GLRA2: variants seen among roughly 807,000 people sequenced by gnomAD.
GLRA2 encodes the protein glycine receptor alpha 2.
A neutral mutation model predicts 31.6 loss-of-function variants in GLRA2; 11 were observed. The ratio of observed to expected loss-of-function variants is 0.35; its 90% CI spans 0.22 to 0.58. GLRA2 has a LOEUF of 0.58. Ranked by LOEUF, GLRA2 falls within the 20% of genes least tolerant of loss-of-function variation. The pLI, the probability that GLRA2 is intolerant of heterozygous loss-of-function variation, is 0.84. For synonymous variants in GLRA2, 132 were observed against 134.0 expected (o/e 0.99, Z 0.10); for missense variants, 212 against 351.8 (o/e 0.60, Z 3.18).
At chrX:14,582,120 A>G (rs1601733506) in intron 4 of GLRA2, among the ~76,000 whole-genome samples, 1 of 104,498 alleles carries the variant, frequency 9.6e-6, no homozygotes, top group Admixed American at 1.0e-4. Flanking sequence ...CACAACGTGC[A>G]GGTTAGTTAC....
intron 4 of GLRA2, among the ~76,000 whole-genome samples, chrX:14,603,775 T>A (rs764503830): frequency 2.7e-5 from 3 of 111,961 alleles, no homozygotes; most frequent in Non-Finnish European, 5.7e-5. Flanking sequence ...AATTCTAGAA[T>A]AAATGCTACA....
At chrX:14,465,084 T>G in the GLRA2 span, among the ~76,000 whole-genome samples, 2 of 109,724 alleles carry the variant, frequency 1.8e-5, no homozygotes, top group African/African-American at 6.7e-5. Context: ...ATGTGTAGAT[T>G]GCTTTGGGCA....
At chrX:14,664,212 G>T (rs2091018037) in intron 7 of GLRA2, among the ~76,000 whole-genome samples, 1 of 111,814 alleles carries the variant, frequency 8.9e-6, no homozygotes, top group African/African-American at 3.2e-5. Context: ...TGTAGACACT[G>T]TGCAATTTCA....
At chrX:14,686,653 T>G (rs2091146441) in intron 7 of GLRA2, among the ~76,000 whole-genome samples, 2 of 111,617 alleles carry the variant, frequency 1.8e-5, no homozygotes, top group African/African-American at 6.5e-5. Context: ...CTTTTTTTTG[T>G]TTTCCATTTG....
chrX:14,622,394 T>G (rs1408456604), intron 7 of GLRA2, among the ~76,000 whole-genome samples: 1 of 112,061 alleles, frequency 8.9e-6, no homozygotes, highest in Non-Finnish European at 1.9e-5. Context: ...ATTTTGGCTT[T>G]TGTTGCCATT....
the GLRA2 span, among the ~76,000 whole-genome samples, chrX:14,484,989 G>A: frequency 8.9e-6 from 1 of 112,339 alleles, no homozygotes; most frequent in Non-Finnish European, 1.9e-5. Flanking sequence ...TTAAGCTCAT[G>A]CTAAAATAGC....
At chrX:14,557,147 G>T (rs1335437119) in intron 2 of GLRA2, among the ~76,000 whole-genome samples, 3 of 73,849 alleles carry the variant, frequency 4.1e-5, no homozygotes, top group Non-Finnish European at 6.9e-5. Context: ...ACGGAGTCTC[G>T]CTCTGTCGCC....
At chrX:14,650,580 C>T (rs1293633788) in intron 7 of GLRA2, among the ~76,000 whole-genome samples, 3 of 111,016 alleles carry the variant, frequency 2.7e-5, no homozygotes, top group African/African-American at 9.8e-5. Context: ...GCTTTCTACC[C>T]ATTGAGAAAT....
intron 7 of GLRA2, among the ~76,000 whole-genome samples, chrX:14,637,651 G>T (rs1325504076): frequency 9.0e-6 from 1 of 111,540 alleles, no homozygotes; most frequent in Non-Finnish European, 1.9e-5. Flanking sequence ...TATTCATACT[G>T]TTTTCCAAAG....
At chrX:14,666,748 C>G (rs902490102) in intron 7 of GLRA2, among the ~76,000 whole-genome samples, 1 of 111,741 alleles carries the variant, frequency 8.9e-6, no homozygotes, top group African/African-American at 3.2e-5. Flanking sequence ...TACAGCAAAC[C>G]TATTAGGTGG....
intron 2 of GLRA2, among the ~76,000 whole-genome samples, chrX:14,538,076 CT>C (rs1331848978): frequency 9.1e-6 from 1 of 109,360 alleles, no homozygotes; most frequent in African/African-American, 3.3e-5. Flanking sequence ...AAGAGGGCAT[CT>C]ACAGCATTCT....
the GLRA2 span, among the ~76,000 whole-genome samples, chrX:14,463,796 A>T: frequency 3.2e-4 from 36 of 111,474 alleles, no homozygotes; most frequent in African/African-American, 1.1e-3. Flanking sequence ...CTTGACTATG[A>T]GAGGGAAATC....
chrX:14,535,461 G>C (rs760931620), intron 2 of GLRA2, among the ~76,000 whole-genome samples: 28 of 111,994 alleles, frequency 2.5e-4, no homozygotes, highest in African/African-American at 7.4e-4. Context: ...CTTAGACTCT[G>C]TAATTGAGAG....
the GLRA2 span, among the ~76,000 whole-genome samples, chrX:14,488,343 A>T: frequency 8.9e-6 from 1 of 112,215 alleles, no homozygotes; most frequent in African/African-American, 3.2e-5. Context: ...CACCCAAGAG[A>T]TACTAGGTGG....
At chrX:14,613,797 A>T (rs2090427102) in intron 7 of GLRA2, among the ~76,000 whole-genome samples, 1 of 110,881 alleles carries the variant, frequency 9.0e-6, no homozygotes. Flanking sequence ...GATATGAGTC[A>T]ATTTTTCCCC....
intron 7 of GLRA2, among the ~76,000 whole-genome samples, chrX:14,610,231 T>C (rs1396037412): frequency 8.9e-6 from 1 of 112,269 alleles, no homozygotes; most frequent in Non-Finnish European, 1.9e-5. Context: ...TGTGCTGAAT[T>C]TGACATAATG....
chrX:14,583,682 T>A lies in GLRA2; in HGVS notation c.494+2276T>A, dbSNP rs1398517931. Among the ~76,000 whole-genome samples the A allele has an allele frequency of 3.6e-5, 4 of 111,906 alleles. No homozygotes were observed. In the Admixed American group the frequency reaches 3.8e-4, roughly 11 times the overall value. ...TGAACCTGGGAGGCGGAGGTTGCAGTGAGCCGAGATAGTGCCACTGCACTC... is the reference window on the plus strand; with the variant it reads ...TGAACCTGGGAGGCGGAGGTTGCAGAGAGCCGAGATAGTGCCACTGCACTC... On this transcript the variant is annotated intron_variant, in intron 4 of 8. Transcript: ENST00000218075.
intron 7 of GLRA2, among the ~76,000 whole-genome samples, chrX:14,657,859 G>A (rs1339872461): frequency 1.8e-5 from 2 of 111,641 alleles, no homozygotes; most frequent in Non-Finnish European, 3.8e-5. Flanking sequence ...TTTGACTCTG[G>A]CAATGCACAT....
chrX:14,632,920 A>C (rs942726494), intron 7 of GLRA2, among the ~76,000 whole-genome samples: 2 of 111,973 alleles, frequency 1.8e-5, no homozygotes, highest in African/African-American at 6.5e-5. Flanking sequence ...CTAGTACAAG[A>C]GTCAGCAAAC....
Sources: allele counts gnomAD v4.1 joint callset (sites outside exome capture counted in the v4.1 genomes callset), GRCh38; gene constraint gnomAD v4.1.1; transcripts MANE v1.5; gene names NCBI Gene and HGNC (gene_info 2026-07-23, HGNC 2026-07-21).